The following ATOSA variants were observed in gnomAD, a reference collection of about 807,000 sequenced individuals.
The protein encoded by ATOSA is atos homolog A.
chr15:52,585,018 A>G, the ATOSA span: 1 of 1,287,556 alleles, frequency 7.8e-7, no homozygotes, highest in Non-Finnish European at 1.1e-6. Flanking sequence ...TTGTGCCAAT[A>G]ATCAAACAAG....
chr15:52,588,106 A>T, the ATOSA span, among the ~76,000 whole-genome samples: 1 of 152,194 alleles, frequency 6.6e-6, no homozygotes. Flanking sequence ...TCAAAGAATG[A>T]TCCTCAGATG....
chr15:52,678,121 TG>T, the ATOSA span: 1 of 1,410,510 alleles, frequency 7.1e-7, no homozygotes, highest in Non-Finnish European at 1.0e-6. Flanking sequence ...GCTTTCAAAA[TG>T]CTGAAAGAGA....
At chr15:52,596,708 C>A in the ATOSA span, among the ~76,000 whole-genome samples, 1 of 152,166 alleles carries the variant, frequency 6.6e-6, no homozygotes, top group Non-Finnish European at 1.5e-5. Flanking sequence ...AATGCACAAA[C>A]AGCCCTTCAG....
At chr15:52,686,340 T>A in the ATOSA span, among the ~76,000 whole-genome samples, 1 of 152,218 alleles carries the variant, frequency 6.6e-6, no homozygotes, top group Admixed American at 6.5e-5. Flanking sequence ...GCAGCAGTGA[T>A]CTCCATTTCA....
chr15:52,668,379 G>C, the ATOSA span, among the ~76,000 whole-genome samples: 1 of 152,196 alleles, frequency 6.6e-6, no homozygotes, highest in African/African-American at 2.4e-5. Context: ...GTAGCGAGTA[G>C]AACAGTGGTT....
chr15:52,664,774 C>CA, the ATOSA span, among the ~76,000 whole-genome samples: 1 of 152,086 alleles, frequency 6.6e-6, no homozygotes, highest in Non-Finnish European at 1.5e-5. Context: ...CCAGTCTCTA[C>CA]AAAAAATTTA....
At chr15:52,609,577 C>G in the ATOSA span, 1 of 1,613,066 alleles carries the variant, frequency 6.2e-7, no homozygotes, top group Non-Finnish European at 8.5e-7. Context: ...TGGTTTTAGT[C>G]GAATTTTCCC....
the ATOSA span, among the ~76,000 whole-genome samples, chr15:52,679,563 T>C: frequency 6.6e-6 from 1 of 152,054 alleles, no homozygotes; most frequent in Non-Finnish European, 1.5e-5. Flanking sequence ...GCGCTGGAGA[T>C]GGCGGCTGGG....
the ATOSA span, among the ~76,000 whole-genome samples, chr15:52,624,028 A>T: frequency 6.6e-6 from 1 of 152,192 alleles, no homozygotes; most frequent in Non-Finnish European, 1.5e-5. Context: ...AATTTGTTTT[A>T]AATTTTCCTT....
chr15:52,621,925 C>T, the ATOSA span, among the ~76,000 whole-genome samples: 1 of 151,892 alleles, frequency 6.6e-6, no homozygotes, highest in Non-Finnish European at 1.5e-5. Flanking sequence ...TCTCGACTCA[C>T]TGCAACCTCT....
chr15:52,671,923 A>AAAAT, the ATOSA span, among the ~76,000 whole-genome samples: 1 of 151,860 alleles, frequency 6.6e-6, no homozygotes, highest in South Asian at 2.1e-4. Flanking sequence ...CATGGAAAGG[A>AAAAT]AAATATGAGA....
At chr15:52,708,661 T>A in the ATOSA span, among the ~76,000 whole-genome samples, 1 of 152,034 alleles carries the variant, frequency 6.6e-6, no homozygotes. Context: ...TAACCCAGCA[T>A]CCCTTTAAAA....
the ATOSA span, among the ~76,000 whole-genome samples, chr15:52,612,305 C>T: frequency 2.6e-5 from 4 of 151,932 alleles, no homozygotes; most frequent in African/African-American, 9.7e-5. Flanking sequence ...ATTTATAATG[C>T]AAATTTTCTT....
chr15:52,606,016 T>C, the ATOSA span, among the ~76,000 whole-genome samples: 1 of 152,096 alleles, frequency 6.6e-6, no homozygotes, highest in Non-Finnish European at 1.5e-5. Flanking sequence ...ATGTAGTCTT[T>C]CTCTCTTTCA....
At chr15:52,705,159 G>A in the ATOSA span, among the ~76,000 whole-genome samples, 1 of 152,102 alleles carries the variant, frequency 6.6e-6, no homozygotes, top group African/African-American at 2.4e-5. Context: ...ATACACCATG[G>A]AATACTATGC....
chr15:52,633,492 G>C, the ATOSA span, among the ~76,000 whole-genome samples: 2 of 152,256 alleles, frequency 1.3e-5, no homozygotes, highest in East Asian at 3.9e-4. Context: ...AAGCCACATA[G>C]AGGCCAGCAG....
At chr15:52,665,710 T>C in the ATOSA span, among the ~76,000 whole-genome samples, 15 of 152,354 alleles carry the variant, frequency 9.8e-5, no homozygotes, top group East Asian at 2.3e-3. Context: ...GTGCTGTTTA[T>C]ACTAGCCAAA....
At chr15:52,679,883 T>G in the ATOSA span, among the ~76,000 whole-genome samples, 1 of 143,902 alleles carries the variant, frequency 6.9e-6, no homozygotes, top group Non-Finnish European at 1.5e-5. Context: ...CCAAGTGGAT[T>G]GCAGCGCATA....
At chr15:52,649,545 C>T in the ATOSA span, 6 of 152,096 alleles carry the variant, frequency 3.9e-5, no homozygotes, top group African/African-American at 1.2e-4. Flanking sequence ...GCAATCACTG[C>T]ATCTAGTAAA....
Sources: gnomAD v4.1 joint callset for allele counts (sites outside exome capture counted in the v4.1 genomes callset) on GRCh38, gnomAD v4.1.1 for gene constraint, MANE v1.5 for transcripts, NCBI Gene and HGNC (gene_info 2026-07-23, HGNC 2026-07-21) for gene names.